Variants in EFCAB10 observed in about 807,000 individuals in gnomAD.
EFCAB10 encodes the protein EF-hand calcium binding domain 10, also known as EF-hand calcium-binding domain-containing protein 10.
Under a neutral mutation model 7.7 loss-of-function variants are expected in EFCAB10, and 7 were observed. That is an observed-to-expected ratio of 0.91 (90% CI 0.52 to 1.72). The LOEUF (loss-of-function observed/expected upper bound fraction) is 1.72. Among genes scored for constraint, EFCAB10 ranks in the 40% most tolerant of loss-of-function variants. The probability of loss-of-function intolerance (pLI) is 0.00; values close to 1 mark genes in which losing one functional copy is unlikely to be tolerated. For synonymous variants in EFCAB10, 52 were observed against 21.0 expected, an observed-to-expected ratio of 2.47 and a Z score of -4.03; for missense variants, 112 against 61.5, an observed-to-expected ratio of 1.82 and a Z score of -2.74.
chr7:105,574,456 G>A (rs1170643050), intron 1 of EFCAB10, among the ~76,000 whole-genome samples: 1 of 151,738 alleles, frequency 6.6e-6, no homozygotes, highest in Admixed American at 6.6e-5. Flanking sequence ...TACATGGATG[G>A]CAGCAGGCAA....
intron 1 of EFCAB10, among the ~76,000 whole-genome samples, chr7:105,570,240 A>AATAT (rs1190599721): frequency 0.024 from 600 of 24,800 alleles, 30 homozygotes; most frequent in Middle Eastern, 0.048. Context: ...AAAAAAAAAA[A>AATAT]ATATATATAT....
intron 1 of EFCAB10, among the ~76,000 whole-genome samples, chr7:105,569,943 C>T (rs1245342744): frequency 6.6e-6 from 1 of 151,736 alleles, no homozygotes; most frequent in Non-Finnish European, 1.5e-5. Context: ...AAATAATAGG[C>T]TGGGCATGGT....
chr7:105,573,538 A>G (rs997306277), intron 1 of EFCAB10: 3 of 152,242 alleles, frequency 2.0e-5, no homozygotes, highest in African/African-American at 7.2e-5. Flanking sequence ...TGTTTTGAAA[A>G]TGATCACAAC....
chr7:105,569,352 G>GA (rs1791877453), intron 2 of EFCAB10, 55 bp downstream of exon 2: 11 of 693,710 alleles, frequency 1.6e-5, no homozygotes, highest in Non-Finnish European at 2.6e-5. Context: ...TTTTCTGCTA[G>GA]AAAAAACTGT....
At chr7:105,571,744 A>C (rs1242133052) in intron 1 of EFCAB10, 1 of 152,292 alleles carries the variant, frequency 6.6e-6, no homozygotes, top group Non-Finnish European at 1.5e-5. Context: ...GGAACAGGGC[A>C]ATTTTACAAG....
chr7:105,567,662 A>AT (rs1484670943), intron 3 of EFCAB10, 172 bp from the exon 4 acceptor site: 1 of 519,588 alleles, frequency 1.9e-6, no homozygotes, highest in Non-Finnish European at 3.4e-6. Context: ...TAGCCAATAA[A>AT]TTTTTTTAAA....
intron 4 of EFCAB10, chr7:105,567,126 G>C (rs779820729): frequency 6.4e-7 from 1 of 1,558,392 alleles, no homozygotes; most frequent in Non-Finnish European, 8.6e-7. Context: ...CAGTATAAAA[G>C]AAGCCTGTAT....
rs148297967 is a variant in EFCAB10, at chr7:105,578,821, G to A, written c.106+2537C>T. Among the ~76,000 whole-genome samples, 230 of 152,290 alleles carry A rather than the reference G, an allele frequency of 1.5e-3. 1 individual carries two copies. The highest frequency in any genetic ancestry group is 5.4e-3 in the African/African-American group (225 of 41,562). On this transcript the variant is annotated intron_variant, in intron 1 of 4. Transcript: ENST00000480514. ...AGAGTCTCACTCTGTTGCTCAGGCT[G>A]GAGTGCAACAGTGAAATCTCAGCTC... is the stretch of plus-strand genomic sequence containing the variant.
intron 3 of EFCAB10, 123 bp downstream of exon 3, chr7:105,569,080 G>C: frequency 1.6e-6 from 1 of 635,786 alleles, no homozygotes; most frequent in Non-Finnish European, 2.8e-6. Flanking sequence ...TTTCCAGTCA[G>C]CTGAAAGTTT....
At chr7:105,574,921 C>T (rs1792037606) in intron 1 of EFCAB10, among the ~76,000 whole-genome samples, 1 of 139,298 alleles carries the variant, frequency 7.2e-6, no homozygotes, top group Admixed American at 7.3e-5. Flanking sequence ...CATGGTGAAA[C>T]TCTATCCCTA....
intron 1 of EFCAB10, 47 bp downstream of exon 1, chr7:105,581,311 G>A (rs1266132378): frequency 4.3e-6 from 3 of 696,664 alleles, no homozygotes; most frequent in African/African-American, 1.7e-5. Flanking sequence ...TGTGGGAAGC[G>A]AACCCCACAT....
At chr7:105,570,798 G>A (rs1791930484) in intron 1 of EFCAB10, among the ~76,000 whole-genome samples, 1 of 152,132 alleles carries the variant, frequency 6.6e-6, no homozygotes, top group African/African-American at 2.4e-5. Flanking sequence ...GCCGAGGCAG[G>A]TGGATCATGA....
chr7:105,573,357 A>G (rs1186724040), intron 1 of EFCAB10: 1 of 152,212 alleles, frequency 6.6e-6, no homozygotes, highest in Admixed American at 6.5e-5. Context: ...TTGAATTTCA[A>G]CTCACTACAT....
intron 1 of EFCAB10, chr7:105,572,379 A>G (rs1261779249): frequency 6.6e-6 from 1 of 152,206 alleles, no homozygotes; most frequent in Non-Finnish European, 1.5e-5. Context: ...TCCGTCTTTT[A>G]AGACTGAATA....
chr7:105,580,193 C>T (rs1371073260), intron 1 of EFCAB10, among the ~76,000 whole-genome samples: 2 of 151,974 alleles, frequency 1.3e-5, no homozygotes, highest in East Asian at 1.9e-4. Context: ...TGCCATGTTG[C>T]CCAGGCTGGT....
chr7:105,571,400 G>A (rs1791945572), intron 1 of EFCAB10: 1 of 152,150 alleles, frequency 6.6e-6, no homozygotes, highest in African/African-American at 2.4e-5. Flanking sequence ...AGATCCTGAA[G>A]CAATTCTTCA....
intron 1 of EFCAB10, among the ~76,000 whole-genome samples, chr7:105,578,352 A>C (rs537280017): frequency 1.3e-5 from 2 of 152,330 alleles, no homozygotes; most frequent in Non-Finnish European, 2.9e-5. Flanking sequence ...CATAAATTGC[A>C]TTCTTCTGAT....
intron 1 of EFCAB10, among the ~76,000 whole-genome samples, chr7:105,581,086 G>A (rs186079182): frequency 6.6e-5 from 10 of 152,308 alleles, no homozygotes; most frequent in Admixed American, 6.5e-4. Flanking sequence ...CATGCATGGT[G>A]GCGGGCGCCT....
chr7:105,572,497 C>G (rs1264872499), intron 1 of EFCAB10: 1 of 152,178 alleles, frequency 6.6e-6, no homozygotes, highest in Non-Finnish European at 1.5e-5. Context: ...AATACAAGTG[C>G]AGGTATTTCT....
Sources: gnomAD v4.1 joint callset for allele counts (sites outside exome capture counted in the v4.1 genomes callset) on GRCh38, gnomAD v4.1.1 for gene constraint, MANE v1.5 for transcripts, NCBI Gene and HGNC (gene_info 2026-07-23, HGNC 2026-07-21) for gene names.